Variants in LHPP observed in about 807,000 individuals in gnomAD.
LHPP encodes phospholysine phosphohistidine inorganic pyrophosphate phosphatase.
Under a neutral mutation model 30.3 loss-of-function variants are expected in LHPP, and 24 were observed. The observed-to-expected ratio is 0.79, with a 90% CI of 0.57 to 1.11. LHPP has a LOEUF of 1.11. Among genes scored for constraint, LHPP ranks in the 50% most tolerant of loss-of-function variants. The pLI is 0.00. For missense variants in LHPP, 356 were observed against 367.2 expected (o/e 0.97, Z 0.25); for synonymous variants, 150 against 157.1 (o/e 0.95, Z 0.34).
At chr10:124,547,236 G>A (rs888229846) in intron 6 of LHPP, among the ~76,000 whole-genome samples, 1 of 152,170 alleles carries the variant, frequency 6.6e-6, no homozygotes, top group African/African-American at 2.4e-5. Flanking sequence ...TGGAGTTCCA[G>A]TTCATTCCTG....
chr10:124,530,073 A>T (rs1486243333), intron 6 of LHPP, among the ~76,000 whole-genome samples: 1 of 152,038 alleles, frequency 6.6e-6, no homozygotes. Context: ...TGCATCAGAG[A>T]GGACACCCCA....
At chr10:124,535,023 G>T (rs1373483982) in intron 6 of LHPP, among the ~76,000 whole-genome samples, 1 of 152,208 alleles carries the variant, frequency 6.6e-6, no homozygotes, top group Non-Finnish European at 1.5e-5. Context: ...TGTGGCCTAG[G>T]GGTGAAACCT....
rs560842562 is a variant in LHPP, at chr10:124,521,864, C to T, written c.716+4593C>T. Among the ~76,000 whole-genome samples, 12 of 151,874 alleles carry T rather than the reference C, an allele frequency of 7.9e-5. No homozygotes were observed. In the East Asian group the frequency reaches 2.3e-3, roughly 29 times the overall value. ...GAGCACGCACACGTGCACGCACTTA[C>T]ACGTACACACACACACACACACAAT... On this transcript the variant is annotated intron_variant, in intron 6 of 6. Transcript: ENST00000368842.
chr10:124,527,237 T>C (rs1954765408), intron 6 of LHPP, among the ~76,000 whole-genome samples: 1 of 152,164 alleles, frequency 6.6e-6, no homozygotes, highest in African/African-American at 2.4e-5. Context: ...TGCTGCTGTG[T>C]TCTGATGCAT....
chr10:124,461,938 G>A lies in LHPP; in HGVS notation c.76G>A (p.Gly26Ser). ...CATCTCGGGCGTGCTGTACGACAGC[G>A]GCGCGGGCGGCGGCACGGCCATCGC... ...LDISGVLYDS[G>S]AGGGTAIAGS... Residue 26 changes from glycine to serine, a missense_variant, in exon 1 of 7, where the codon GGC (glycine) becomes AGC (serine). Coordinates refer to ENST00000368842, the MANE Select transcript of LHPP (RefSeq NM_022126.4). 4.8e-6 allele frequency: 6 copies of A among 1,239,864 alleles called. No homozygotes were observed. Among genetic ancestry groups the A allele is most frequent in the Non-Finnish European group, 6.1e-6 (6 of 987,766 alleles). The allele number at this position is 1,239,864 out of a possible 1,614,324, so 76.8% of individuals were successfully genotyped here.
rs1948899482 is a variant in LHPP at position 124,592,953 on chromosome 10, T to A, written c.717-20311T>A. Among the ~76,000 whole-genome samples the A allele has an allele frequency of 6.6e-6, 1 of 152,238 alleles. No individual in the cohort carries two copies. On this transcript the variant is annotated intron_variant, in intron 6 of 6. Coordinates refer to ENST00000368842, the MANE Select transcript of LHPP (RefSeq NM_022126.4). The surrounding 1 kb of genome is among the most constrained non-coding windows in gnomAD (Gnocchi z 6.2). ...CTGGCGTCCCGGGGGCCAGAATGAA[T>A]GGACCCTCACTGGGCCGCTTTGACA...
intron 6 of LHPP, among the ~76,000 whole-genome samples, chr10:124,609,733 T>C (rs1419442505): frequency 6.6e-6 from 1 of 152,222 alleles, no homozygotes; most frequent in Non-Finnish European, 1.5e-5. Flanking sequence ...TGGAGCTCTC[T>C]GTAAGTCAGT....
At chr10:124,549,877 TG>T (rs1225611612) in intron 6 of LHPP, among the ~76,000 whole-genome samples, 1 of 152,214 alleles carries the variant, frequency 6.6e-6, no homozygotes, top group Non-Finnish European at 1.5e-5. Flanking sequence ...CATCTGTAAA[TG>T]GGGGTGGCAA....
chr10:124,573,478 A>C (rs572973108), intron 6 of LHPP, among the ~76,000 whole-genome samples: 27 of 152,172 alleles, frequency 1.8e-4, no homozygotes, highest in African/African-American at 6.0e-4. Context: ...CACCCAGCTA[A>C]TTTTTTATTT....
At chr10:124,509,992 A>G (rs1954259178) in intron 5 of LHPP, among the ~76,000 whole-genome samples, 1 of 152,102 alleles carries the variant, frequency 6.6e-6, no homozygotes, top group Non-Finnish European at 1.5e-5. Context: ...GCAGATGCGT[A>G]AGAGGGAGGA....
chr10:124,476,945 C>G (rs902378558), intron 1 of LHPP, among the ~76,000 whole-genome samples: 1 of 152,218 alleles, frequency 6.6e-6, no homozygotes, highest in Admixed American at 6.5e-5. Flanking sequence ...CGGTGGCTTA[C>G]GCCTGTAATC....
At chr10:124,463,369 C>CTT (rs372849989) in intron 1 of LHPP, among the ~76,000 whole-genome samples, 6 of 144,886 alleles carry the variant, frequency 4.1e-5, no homozygotes, top group African/African-American at 1.0e-4. Flanking sequence ...CATGAGGACA[C>CTT]TTTTTTTTTT....
In LHPP at chr10:124,541,979, C is replaced by A. The variant is rs1053411716; in HGVS notation, c.716+24708C>A. ...TGTCCCTGTCCAGACATGAAACGGA[C>A]AGCAGGAGGGGGCTTTGAGGGGTCT... On this transcript the variant is annotated intron_variant, in intron 6 of 6. Coordinates refer to ENST00000368842, the MANE Select transcript of LHPP (RefSeq NM_022126.4). This position sits in a 1 kb window ranked among gnomAD's most constrained non-coding sequence, Gnocchi z 4.2. Among the ~76,000 whole-genome samples the A allele has an allele frequency of 6.6e-6, 1 of 152,096 alleles. No individual in the cohort carries two copies. Among genetic ancestry groups the A allele is most frequent in the Non-Finnish European group, 1.5e-5 (1 of 67,994 alleles).
At chr10:124,566,307 T>C (rs1948490038) in intron 6 of LHPP, among the ~76,000 whole-genome samples, 1 of 152,322 alleles carries the variant, frequency 6.6e-6, no homozygotes, top group East Asian at 1.9e-4. Flanking sequence ...GGGGTTGTCC[T>C]TTCCCCCCTG....
At chr10:124,489,776 T>C (rs1440045176) in intron 3 of LHPP, 2 of 181,638 alleles carry the variant, frequency 1.1e-5, no homozygotes, top group Non-Finnish European at 2.3e-5. Context: ...TCTTTTTTTT[T>C]TTTTCTGCTT....
rs897991787 is a variant in LHPP at position 124,584,893 on chromosome 10, C to T, written c.717-28371C>T. Among the ~76,000 whole-genome samples, 5 of 146,328 alleles carry T rather than the reference C, an allele frequency of 3.4e-5. No individual in the cohort carries two copies. In the East Asian group the frequency reaches 1.0e-3, roughly 30 times the overall value. ...GACAGCAACAGTGGAAAATTCCACCCCTGTCCTCACGCGATGGGTCGCAGT... is the reference window on the plus strand; with the variant it reads ...GACAGCAACAGTGGAAAATTCCACCTCTGTCCTCACGCGATGGGTCGCAGT... On this transcript the variant is annotated intron_variant, in intron 6 of 6. Transcript: ENST00000368842.
chr10:124,564,376 G>T (rs1948455494), intron 6 of LHPP, among the ~76,000 whole-genome samples: 1 of 151,894 alleles, frequency 6.6e-6, no homozygotes, highest in Non-Finnish European at 1.5e-5. Flanking sequence ...GCCCACCTTG[G>T]CCTCCCAAAG....
chr10:124,491,278 T>G (rs1224148047), intron 3 of LHPP, among the ~76,000 whole-genome samples: 3 of 152,214 alleles, frequency 2.0e-5, no homozygotes, highest in Admixed American at 1.3e-4. Flanking sequence ...GAGGAAGTGT[T>G]TTCCATCTTC....
intron 6 of LHPP, among the ~76,000 whole-genome samples, chr10:124,610,980 C>T (rs112649603): frequency 2.5e-5 from 1 of 40,648 alleles, no homozygotes; most frequent in Non-Finnish European, 5.1e-5. Flanking sequence ...GGTGAGGGTG[C>T]TGGTGGAGCG....
Sources: allele counts gnomAD v4.1 joint callset (sites outside exome capture counted in the v4.1 genomes callset), GRCh38; gene constraint gnomAD v4.1.1; non-coding constraint Gnocchi (gnomAD v3.1); transcripts MANE v1.5; gene names NCBI Gene and HGNC (gene_info 2026-07-23, HGNC 2026-07-21).